The following NEDD1 variants were observed in gnomAD, a reference collection of about 807,000 sequenced individuals.
NEDD1 encodes the protein NEDD1 gamma-tubulin ring complex targeting factor, also known as protein NEDD1.
A neutral mutation model predicts 74.0 loss-of-function variants in NEDD1; 33 were observed. The ratio of observed to expected loss-of-function variants is 0.45; its 90% CI spans 0.34 to 0.60. NEDD1 has a LOEUF of 0.60. Among genes scored for constraint, NEDD1 ranks in the 20% least tolerant of loss-of-function variants. NEDD1 has a pLI of 0.01. For synonymous variants in NEDD1, 250 were observed against 264.4 expected (o/e 0.95, Z 0.53); for missense variants, 746 against 776.5 (o/e 0.96, Z 0.47).
intron 3 of NEDD1, among the ~76,000 whole-genome samples, chr12:96,910,892 T>C (rs1366353631): frequency 6.6e-6 from 1 of 152,212 alleles, no homozygotes; most frequent in African/African-American, 2.4e-5. Flanking sequence ...GTATTCTACT[T>C]TCTGATAAAA....
chr12:96,916,447 T>A (rs1201527969), intron 4 of NEDD1, among the ~76,000 whole-genome samples: 1 of 110,092 alleles, frequency 9.1e-6, no homozygotes, highest in Admixed American at 1.1e-4. Flanking sequence ...GATATTCCCC[T>A]TCCTGTGTCC....
intron 3 of NEDD1, among the ~76,000 whole-genome samples, chr12:96,910,615 T>C (rs1047396293): frequency 6.6e-5 from 10 of 152,186 alleles, no homozygotes; most frequent in African/African-American, 2.4e-4. Context: ...GTTGTGGACC[T>C]TTCCTGTATG....
chr12:96,931,042 A>G (rs1330637061), intron 6 of NEDD1, among the ~76,000 whole-genome samples: 2 of 152,162 alleles, frequency 1.3e-5, no homozygotes, highest in East Asian at 3.9e-4. Context: ...TGGGATAACT[A>G]TGTAGTGGCT....
At chr12:96,938,546 A>G (rs918215125) in intron 9 of NEDD1, among the ~76,000 whole-genome samples, 5 of 152,072 alleles carry the variant, frequency 3.3e-5, no homozygotes, top group African/African-American at 1.2e-4. Flanking sequence ...CAAAGACAGC[A>G]TTAATTTGCA....
chr12:96,930,243 TCACA>T (rs1565799230), intron 6 of NEDD1, among the ~76,000 whole-genome samples: 2 of 149,638 alleles, frequency 1.3e-5, no homozygotes, highest in African/African-American at 5.0e-5. Flanking sequence ...TCTCTCTCTC[TCACA>T]CTCTCACATG....
chr12:96,926,524 T>TGG (rs1875711706), intron 6 of NEDD1, among the ~76,000 whole-genome samples: 1 of 152,060 alleles, frequency 6.6e-6, no homozygotes, highest in Non-Finnish European at 1.5e-5. Context: ...TTTCCTTTTA[T>TGG]GGGCAGCATA....
intron 11 of NEDD1, 46 bp downstream of exon 11, chr12:96,942,670 G>A (rs759414929): frequency 2.2e-6 from 2 of 924,268 alleles, no homozygotes; most frequent in Non-Finnish European, 3.6e-6. Context: ...AAAGTGAATT[G>A]TATTATCTAT....
intron 15 of NEDD1, 147 bp downstream of exon 15, chr12:96,951,645 G>T (rs1309463295): frequency 1.9e-6 from 1 of 539,820 alleles, no homozygotes; most frequent in Non-Finnish European, 3.2e-6. Flanking sequence ...AAGTAAAATA[G>T]ATTTTAACTG....
intron 4 of NEDD1, among the ~76,000 whole-genome samples, chr12:96,913,235 G>T (rs1389611649): frequency 6.6e-6 from 1 of 152,096 alleles, no homozygotes; most frequent in African/African-American, 2.4e-5. Flanking sequence ...GTAGCTCTCT[G>T]CTTCAGATTC....
chr12:96,935,356 TTA>T, intron 7 of NEDD1, 151 bp downstream of exon 7: 1 of 605,432 alleles, frequency 1.7e-6, no homozygotes, highest in South Asian at 2.0e-5. Context: ...AATTTTCTTC[TTA>T]TGCAGAAAGA....
Position 96,936,781 on chromosome 12 carries a change from T to C in NEDD1, c.890T>C (p.Ile297Thr). 6.2e-7 allele frequency: 1 copy of C among 1,611,270 alleles called. No homozygotes were observed. The highest frequency in any genetic ancestry group is 1.1e-5 in the South Asian group (1 of 91,048). Residue 297 changes from isoleucine to threonine, a missense_variant, in exon 8 of 16, where the codon ATA becomes ACA. Ile to Thr is a moderately conservative substitution (Grantham distance 89, BLOSUM62 -1). Coordinates refer to ENST00000266742, the MANE Select transcript of NEDD1 (RefSeq NM_152905.4). ...GCTCACAAGACATCTGTGCAGTGTA[T>C]AGCATTTCAGTACTCCACTGTTCTT... Reference protein sequence around the residue: ...ISAHKTSVQCIAFQYSTVLTK... With the variant: ...ISAHKTSVQCTAFQYSTVLTK...
intron 1 of NEDD1, 51 bp downstream of exon 1, chr12:96,907,351 CG>C (rs1352071828): frequency 2.5e-6 from 1 of 398,926 alleles, no homozygotes; most frequent in African/African-American, 2.1e-5. Context: ...GCCGCGTCCG[CG>C]CACCCTCCCG....
At chr12:96,926,277 GAGAGCATTAA>G (rs1296224808) in intron 6 of NEDD1, among the ~76,000 whole-genome samples, 1 of 152,176 alleles carries the variant, frequency 6.6e-6, no homozygotes, top group Non-Finnish European at 1.5e-5. Flanking sequence ...ATTTAAAAAT[GAGAGCATTAA>G]AGAGGGTGAA....
chr12:96,908,941 C>T (rs1215687670), intron 2 of NEDD1, among the ~76,000 whole-genome samples: 1 of 152,118 alleles, frequency 6.6e-6, no homozygotes, highest in African/African-American at 2.4e-5. Context: ...CTTTGGGAGG[C>T]TGAGGCGGGC....
chr12:96,949,757 T>C (rs1878529101), intron 14 of NEDD1, among the ~76,000 whole-genome samples: 1 of 152,040 alleles, frequency 6.6e-6, no homozygotes, highest in African/African-American at 2.4e-5. Flanking sequence ...ATGGAAATAA[T>C]AGAGAGGTAG....
intron 9 of NEDD1, 59 bp from the exon 10 acceptor site, chr12:96,940,350 C>A: frequency 1.9e-6 from 2 of 1,046,510 alleles, no homozygotes; most frequent in Non-Finnish European, 2.8e-6. Context: ...TACAACCTAG[C>A]TTATGATAAA....
rs573098648 is a variant in NEDD1 at position 96,926,709 on chromosome 12, G to A, written c.489+6584G>A. 1.3e-4 allele frequency among the ~76,000 whole-genome samples: 19 copies of A among 151,924 alleles called. No homozygotes were observed. In the South Asian group the frequency reaches 2.9e-3, roughly 23 times the overall value. On this transcript the variant is annotated intron_variant, in intron 6 of 15. Transcript: ENST00000266742. ...AAATTCAGTTCAGTTTAAAAATATC[G>A]TGGCCAGGCACAGTGGTTCACACCT...
intron 6 of NEDD1, among the ~76,000 whole-genome samples, chr12:96,930,517 A>C (rs1876340130): frequency 1.3e-5 from 2 of 152,108 alleles, no homozygotes; most frequent in Non-Finnish European, 2.9e-5. Context: ...CTACCAGGGA[A>C]GCTAGTTAGA....
chr12:96,940,277 GTT>G, intron 9 of NEDD1, 130 bp from the exon 10 acceptor site: 1 of 483,762 alleles, frequency 2.1e-6, no homozygotes, highest in Non-Finnish European at 3.7e-6. Flanking sequence ...GTCATATTCT[GTT>G]TTATTCTCCT....
Sources: gnomAD v4.1 joint callset for allele counts (sites outside exome capture counted in the v4.1 genomes callset) on GRCh38, gnomAD v4.1.1 for gene constraint, MANE v1.5 for transcripts, NCBI Gene and HGNC (gene_info 2026-07-23, HGNC 2026-07-21) for gene names.